Variants in DLG1 observed in about 807,000 individuals in gnomAD.
DLG1 encodes the protein discs large MAGUK scaffold protein 1.
In DLG1, 42 loss-of-function variants were observed where a neutral mutation model predicts 123.4. The observed-to-expected ratio is 0.34, with a 90% CI of 0.27 to 0.44. The LOEUF (loss-of-function observed/expected upper bound fraction) is 0.44, where lower values mean the gene tolerates loss of function less well. Among genes scored for constraint, DLG1 ranks in the 20% least tolerant of loss-of-function variants. DLG1 has a pLI of 1.00. For synonymous variants in DLG1, 317 were observed against 356.2 expected (o/e 0.89, Z 1.24); for missense variants, 942 against 1,082.6 (o/e 0.87, Z 1.82).
Position 197,085,735 on chromosome 3 carries a change from C to G in DLG1, c.1683G>C (p.Lys561Asn). 1 of 1,613,338 alleles carries G rather than the reference C, an allele frequency of 6.2e-7. No individual in the cohort carries two copies. ...LYVRALFDYD[K>N]TKDSGLPSQG... is the part of the protein sequence containing the mutation. ...GACTGGGAAGCCCACTGTCTTTAGT[C>G]TTGTCATAATCAAAAAGGGCTCTAG... Residue 561 changes from lysine (K) to asparagine (N), a missense_variant, in exon 16 of 25, where the codon AAG (lysine) becomes AAC (asparagine). Lys to Asn is a moderately conservative substitution (Grantham distance 94). Transcript: ENST00000667157.
intron 18 of DLG1, chr3:197,069,969 G>A (rs1399296139): frequency 6.6e-6 from 1 of 152,134 alleles, no homozygotes; most frequent in Non-Finnish European, 1.5e-5. Flanking sequence ...TGATAAGACT[G>A]GCACTGGCTG....
At chr3:197,298,695 G>C, upstream of DLG1, 1 of 397,716 alleles carries the variant, frequency 2.5e-6, no homozygotes, top group Non-Finnish European at 4.4e-6. Flanking sequence ...CTGGGAGAGG[G>C]AGAGGGAGGA....
chr3:197,105,142 T>C (rs1765659573), intron 13 of DLG1, 137 bp from the exon 14 acceptor site: 6 of 548,000 alleles, frequency 1.1e-5, no homozygotes, highest in African/African-American at 2.0e-5. Context: ...CTTGTTCTGA[T>C]TGACTAAAAA....
intron 13 of DLG1, among the ~76,000 whole-genome samples, chr3:197,112,542 T>C (rs1455804189): frequency 6.6e-6 from 1 of 152,180 alleles, no homozygotes; most frequent in Non-Finnish European, 1.5e-5. Context: ...GTCATGTATG[T>C]GCTGAGAATA....
At chr3:197,229,438 G>C (rs1290097022) in intron 4 of DLG1, among the ~76,000 whole-genome samples, 2 of 138,754 alleles carry the variant, frequency 1.4e-5, no homozygotes, top group African/African-American at 5.3e-5. Context: ...GGGTGACAGA[G>C]TGACAGCCTG....
intron 4 of DLG1, among the ~76,000 whole-genome samples, chr3:197,266,194 T>A (rs1761611513): frequency 6.6e-6 from 1 of 151,816 alleles, no homozygotes; most frequent in African/African-American, 2.4e-5. Context: ...TCTGCCAAAT[T>A]CATCCAAATT....
intron 4 of DLG1, among the ~76,000 whole-genome samples, chr3:197,270,463 G>T (rs180724166): frequency 6.6e-6 from 1 of 152,256 alleles, no homozygotes; most frequent in East Asian, 1.9e-4. Context: ...GTAAACTTTA[G>T]CCTGTCTTTT....
At chr3:197,085,444 G>A (rs1461153953) in intron 16 of DLG1, 136 bp downstream of exon 16, 5 of 827,896 alleles carry the variant, frequency 6.0e-6, no homozygotes, top group Non-Finnish European at 9.6e-6. Context: ...TACGATTTTT[G>A]TCTTTCTGTG....
At chr3:197,045,486 A>G (rs996628597) in intron 24 of DLG1, among the ~76,000 whole-genome samples, 1 of 152,096 alleles carries the variant, frequency 6.6e-6, no homozygotes. Flanking sequence ...CATGCCTGCA[A>G]TCCTAGCACT....
intron 4 of DLG1, among the ~76,000 whole-genome samples, chr3:197,200,931 G>A (rs150628489): frequency 8.5e-5 from 13 of 152,174 alleles, no homozygotes; most frequent in African/African-American, 3.1e-4. Flanking sequence ...GAACAATACC[G>A]GAATACCCAC....
intron 4 of DLG1, chr3:197,260,224 A>G (rs1351088688): frequency 2.4e-6 from 1 of 419,354 alleles, no homozygotes; most frequent in African/African-American, 2.1e-5. Flanking sequence ...ATCTGTCACT[A>G]ACAATGAAAT....
intron 5 of DLG1, among the ~76,000 whole-genome samples, chr3:197,151,471 C>T (rs962110216): frequency 2.0e-5 from 3 of 151,838 alleles, no homozygotes; most frequent in Non-Finnish European, 4.4e-5. Flanking sequence ...TATATATAAA[C>T]GAAATGATAT....
chr3:197,175,627 G>A (rs1210044058), intron 5 of DLG1, among the ~76,000 whole-genome samples: 2 of 152,140 alleles, frequency 1.3e-5, no homozygotes, highest in Admixed American at 6.6e-5. Context: ...ATTAACACCT[G>A]TATAACATCT....
At chr3:197,139,982 A>G (rs1005787865) in intron 8 of DLG1, among the ~76,000 whole-genome samples, 158 bp downstream of exon 8, 4 of 152,264 alleles carry the variant, frequency 2.6e-5, no homozygotes, top group African/African-American at 9.6e-5. Context: ...TGCTTAGAGC[A>G]TAATTATCTC....
At chr3:197,254,746 T>C (rs1488478632) in intron 4 of DLG1, among the ~76,000 whole-genome samples, 1 of 152,062 alleles carries the variant, frequency 6.6e-6, no homozygotes, top group Admixed American at 6.6e-5. Context: ...TAAATGAAAT[T>C]AAGAAATCTA....
intron 5 of DLG1, among the ~76,000 whole-genome samples, chr3:197,189,393 C>G (rs1200727060): frequency 6.6e-6 from 1 of 152,022 alleles, no homozygotes; most frequent in Non-Finnish European, 1.5e-5. Context: ...ATATGTTTAA[C>G]AAGTTTACAA....
At chr3:197,288,701 A>G (rs191074031) in intron 3 of DLG1, among the ~76,000 whole-genome samples, 29 of 144,600 alleles carry the variant, frequency 2.0e-4, no homozygotes, top group Non-Finnish European at 3.9e-4. Flanking sequence ...AGCCTGGGCA[A>G]CAAGAGTGAA....
intron 4 of DLG1, among the ~76,000 whole-genome samples, chr3:197,280,015 C>T (rs1768420380): frequency 6.6e-6 from 1 of 152,118 alleles, no homozygotes; most frequent in African/African-American, 2.4e-5. Flanking sequence ...ATCTTCTAAA[C>T]CATTCTGAAA....
At chr3:197,276,877 TTTTTTAA>T (rs1392804973) in intron 4 of DLG1, among the ~76,000 whole-genome samples, 1 of 152,046 alleles carries the variant, frequency 6.6e-6, no homozygotes, top group Middle Eastern at 3.2e-3. Flanking sequence ...AATTTTTATT[TTTTTTAA>T]TTTTTAACTT....
Sources: gnomAD v4.1 joint callset for allele counts (sites outside exome capture counted in the v4.1 genomes callset) on GRCh38, gnomAD v4.1.1 for gene constraint, MANE v1.5 for transcripts, NCBI Gene and HGNC (gene_info 2026-07-23, HGNC 2026-07-21) for gene names.